The following DSCAML1 variants were observed in gnomAD, a reference collection of about 807,000 sequenced individuals.
DSCAML1 encodes the protein cell adhesion molecule DSCAML1.
DSCAML1 carries 38 observed loss-of-function variants against 200.5 expected under a neutral mutation model. The observed-to-expected ratio is 0.19, with a 90% CI of 0.15 to 0.25. The LOEUF is 0.25. Among genes scored for constraint, DSCAML1 ranks in the 10% least tolerant of loss-of-function variants. The pLI is 1.00. For synonymous variants in DSCAML1, 1,215 were observed against 1,165.0 expected (o/e 1.04, Z -0.87); for missense variants, 2,223 against 2,858.8 (o/e 0.78, Z 5.07).
chr11:117,789,212 C>T (rs2055415221), intron 1 of DSCAML1, among the ~76,000 whole-genome samples: 1 of 152,198 alleles, frequency 6.6e-6, no homozygotes, highest in South Asian at 2.1e-4. Flanking sequence ...CGCAGCTATC[C>T]TTCAACCTCC....
chr11:117,512,647 C>CGT lies in DSCAML1; in HGVS notation c.1783+3819_1783+3820insAC, dbSNP rs1207880344. On this transcript the variant is annotated intron_variant, in intron 8 of 32. Coordinates refer to ENST00000651296, the MANE Select transcript of DSCAML1 (RefSeq NM_020693.4). ...AGGTGTGCATGCAAGCGTGTGTACACACACACACACACACACACACACACA... is the reference window on the plus strand; with the variant it reads ...AGGTGTGCATGCAAGCGTGTGTACACGTACACACACACACACACACACACACA... 2.9e-3 allele frequency among the ~76,000 whole-genome samples: 158 copies of CGT among 54,636 alleles called. 1 individual carries two copies. The highest frequency in any genetic ancestry group is 0.02 in the South Asian group (30 of 1,526). 35.8% of individuals were successfully genotyped at this position (54,636 alleles called of 152,430 possible).
rs1175883330 is a variant in DSCAML1 at position 117,780,197 on chromosome 11, AAG to A, written c.364+294_364+295del. 1.1e-4 allele frequency among the ~76,000 whole-genome samples: 7 copies of A among 64,858 alleles called. No individual in the cohort carries two copies. The highest frequency in any genetic ancestry group is 7.9e-4 in the East Asian group (2 of 2,520). 42.5% of individuals were successfully genotyped at this position (64,858 alleles called of 152,430 possible). On this transcript the variant is annotated intron_variant, in intron 2 of 32. Coordinates refer to ENST00000651296, the MANE Select transcript of DSCAML1 (RefSeq NM_020693.4). This position sits in a 1 kb window ranked among gnomAD's most constrained non-coding sequence, Gnocchi z 4.8. ...AAAAAAAGAAAAAAAGAAAGAAAGA[AAG>A]AGAAAGAAAGAGAGAGAGAGAAAGA...
At position 117,438,100 on chromosome 11, in the gene DSCAML1, T is replaced by C. The variant is rs1374931609; in HGVS notation, c.4244-17A>G. On this transcript the variant is annotated splice_polypyrimidine_tract_variant and intron_variant, in intron 24 of 32. Coordinates refer to ENST00000651296, the MANE Select transcript of DSCAML1 (RefSeq NM_020693.4). Reference sequence around the variant, plus strand: ...GCACGAAGCCTGCGGAGGGTAGGCCTGATTCAGGTGGGGGCAGGGCAGGGC... The same window carrying C: ...GCACGAAGCCTGCGGAGGGTAGGCCCGATTCAGGTGGGGGCAGGGCAGGGC... The C allele has an allele frequency of 1.9e-6, 3 of 1,590,722 alleles. No homozygotes were observed. The highest frequency in any genetic ancestry group is 2.6e-6 in the Non-Finnish European group (3 of 1,164,528).
At chr11:117,568,351 A>G (rs1297143092) in intron 3 of DSCAML1, among the ~76,000 whole-genome samples, 1 of 152,124 alleles carries the variant, frequency 6.6e-6, no homozygotes, top group Admixed American at 6.5e-5. Context: ...CCTATTCAAC[A>G]TAGTGTTGGA....
At chr11:117,502,144 G>A (rs2049406849) in intron 11 of DSCAML1, among the ~76,000 whole-genome samples, 1 of 152,182 alleles carries the variant, frequency 6.6e-6, no homozygotes, top group Non-Finnish European at 1.5e-5. Flanking sequence ...GCCCGCCAGG[G>A]GAAGTGGTTT....
Position 117,431,568 on chromosome 11 carries a change from A to C in DSCAML1, c.5340T>G (p.Ser1780Arg). Residue 1780 changes from serine to arginine, a missense_variant, in exon 31 of 33, where the codon AGT becomes AGG. Physicochemically the swap from Ser to Arg is moderately radical, Grantham distance 110. Transcript: ENST00000651296. ...GSQHGVTVTE[S>R]DSYSASLSQD... ...GGGACAGGCTGGCACTGTAGCTGTC[A>C]CTCTCAGTGACCGTGACACCATGCT... The C allele has an allele frequency of 6.2e-7, 1 of 1,602,986 alleles. No individual in the cohort carries two copies. Among genetic ancestry groups the C allele is most frequent in the South Asian group, 1.1e-5 (1 of 89,194 alleles).
chr11:117,722,782 A>G (rs1022639629), intron 3 of DSCAML1, among the ~76,000 whole-genome samples: 2 of 152,130 alleles, frequency 1.3e-5, no homozygotes, highest in Non-Finnish European at 2.9e-5. Context: ...TAGACAACCA[A>G]ACTCCTCTGG....
At chr11:117,751,046 G>C (rs2054596872) in intron 3 of DSCAML1, among the ~76,000 whole-genome samples, 1 of 152,144 alleles carries the variant, frequency 6.6e-6, no homozygotes, top group South Asian at 2.1e-4. Flanking sequence ...TTTCCATTGG[G>C]GGGCAGCCAG....
intron 3 of DSCAML1, among the ~76,000 whole-genome samples, chr11:117,565,860 G>A (rs1032230430): frequency 2.6e-5 from 4 of 152,294 alleles, no homozygotes; most frequent in Non-Finnish European, 4.4e-5. Context: ...GATCAGGGAC[G>A]GTGCAGACCC....
chr11:117,654,411 G>A (rs546348556), intron 3 of DSCAML1, among the ~76,000 whole-genome samples: 10 of 152,274 alleles, frequency 6.6e-5, no homozygotes, highest in East Asian at 5.8e-4. Context: ...GACTATTCCT[G>A]GAATTGGGAG....
In DSCAML1 at chr11:117,504,167, A is replaced by G. The variant is rs2049448292; in HGVS notation, c.2183-146T>C. ...ACCATCCCCAAAGTGCTGAGGCCACATGGCTCCTGGTGGGCAACAGGAAAG... is the reference window on the plus strand; with the variant it reads ...ACCATCCCCAAAGTGCTGAGGCCACGTGGCTCCTGGTGGGCAACAGGAAAG... On this transcript the variant is annotated intron_variant, in intron 10 of 32. Coordinates refer to ENST00000651296, the MANE Select transcript of DSCAML1 (RefSeq NM_020693.4). This position sits in a 1 kb window ranked among gnomAD's most constrained non-coding sequence, Gnocchi z 5.0. The G allele has an allele frequency of 2.1e-6, 2 of 961,706 alleles. No homozygotes were observed. The highest frequency in any genetic ancestry group is 1.7e-5 in the South Asian group (1 of 57,890). The allele number at this position is 961,706 out of a possible 1,614,324, so 59.6% of individuals were successfully genotyped here.
At chr11:117,578,236 G>GAAAAA (rs59533726) in intron 3 of DSCAML1, among the ~76,000 whole-genome samples, 92 of 101,220 alleles carry the variant, frequency 9.1e-4, no homozygotes, top group Non-Finnish European at 1.1e-3. Flanking sequence ...ACTCTGTCTC[G>GAAAAA]AAAAAAAAAA....
rs76154343 is a variant in DSCAML1, at chr11:117,565,961, A to C, written c.512-33439T>G. On this transcript the variant is annotated intron_variant, in intron 3 of 32. Transcript: ENST00000651296. ...TGGACAACTGTCTCCCCCCTCCCTC[A>C]CTGTCATCTCCGTGACAAAGTGGGG... is the stretch of plus-strand genomic sequence containing the variant. Among the ~76,000 whole-genome samples, 556 of 152,212 alleles carry C rather than the reference A, an allele frequency of 3.7e-3. 4 individuals are homozygous for C. Among genetic ancestry groups the C allele is most frequent in the African/African-American group, 0.011 (466 of 41,518 alleles).
rs1425584617 is a variant in DSCAML1, at chr11:117,504,080, C to T, written c.2183-59G>A. The T allele has an allele frequency of 6.3e-6, 10 of 1,578,504 alleles. No homozygotes were observed. The highest frequency in any genetic ancestry group is 1.7e-5 in the Admixed American group (1 of 58,210). ...TGCACTGGGGCATAAGCTGAGAGTG[C>T]CCCAGGAGTGGCCCTGACACCTCGC... On this transcript the variant is annotated intron_variant, in intron 10 of 32. Coordinates refer to ENST00000651296, the MANE Select transcript of DSCAML1 (RefSeq NM_020693.4). The surrounding 1 kb of genome is among the most constrained non-coding windows in gnomAD (Gnocchi z 5.0).
At position 117,544,585 on chromosome 11, in the gene DSCAML1, A is replaced by C. The variant is rs529866377; in HGVS notation, c.512-12063T>G. On this transcript the variant is annotated intron_variant, in intron 3 of 32. Transcript: ENST00000651296. ...GGTGAATAACCTGGGAGTCCCTGCC[A>C]GCCTGGGTTTGAAAAAACCAAGGGA... Among the ~76,000 whole-genome samples the C allele has an allele frequency of 9.2e-5, 14 of 152,250 alleles. No homozygotes were observed. The South Asian group carries it at 2.9e-3, about 32-fold the overall frequency.
At chr11:117,810,378 G>A (rs948795562) in intron 1 of DSCAML1, among the ~76,000 whole-genome samples, 4 of 149,538 alleles carry the variant, frequency 2.7e-5, no homozygotes, top group East Asian at 1.9e-4. Flanking sequence ...TCCGCACCCC[G>A]ACCTCTTATC....
chr11:117,438,454 G>A (rs534820263), intron 24 of DSCAML1, among the ~76,000 whole-genome samples: 5 of 152,238 alleles, frequency 3.3e-5, no homozygotes, highest in African/African-American at 1.2e-4. Context: ...GGCCCCCTGA[G>A]CAGCAGGCTC....
intron 3 of DSCAML1, among the ~76,000 whole-genome samples, chr11:117,722,244 G>A (rs1368308517): frequency 6.6e-6 from 1 of 151,154 alleles, no homozygotes; most frequent in Admixed American, 6.6e-5. Flanking sequence ...CAGCTGAAAT[G>A]TATTTCTCTA....
chr11:117,492,622 G>A (rs1212987149), intron 11 of DSCAML1, among the ~76,000 whole-genome samples: 3 of 151,930 alleles, frequency 2.0e-5, no homozygotes, highest in East Asian at 3.9e-4. Context: ...GCCTTGTGTC[G>A]CTGCTCCTTG....
Sources: gnomAD v4.1 joint callset for allele counts (sites outside exome capture counted in the v4.1 genomes callset) on GRCh38, gnomAD v4.1.1 for gene constraint, Gnocchi (gnomAD v3.1) non-coding constraint, MANE v1.5 for transcripts, NCBI Gene and HGNC (gene_info 2026-07-23, HGNC 2026-07-21) for gene names.